ATG10: variants seen among roughly 807,000 people sequenced by gnomAD.
The protein encoded by ATG10 is autophagy related 10.
Under a neutral mutation model 32.1 loss-of-function variants are expected in ATG10, and 30 were observed. The ratio of observed to expected loss-of-function variants is 0.94; its 90% confidence interval spans 0.70 to 1.27. The LOEUF (loss-of-function observed/expected upper bound fraction) is 1.27. Among genes scored for constraint, ATG10 ranks in the 50% most tolerant of loss-of-function variants. The pLI, the probability that ATG10 is intolerant of heterozygous loss-of-function variation, is 0.00. For missense variants in ATG10, 233 were observed against 262.3 expected (o/e 0.89, Z 0.77); for synonymous variants, 87 against 91.5 (o/e 0.95, Z 0.28).
At position 81,997,721 on chromosome 5, in the gene ATG10, C is replaced by T. The variant is rs993933279; in HGVS notation, c.108+10043C>T. Among the ~76,000 whole-genome samples, 6 of 152,246 alleles carry T rather than the reference C, an allele frequency of 3.9e-5. No homozygotes were observed. In the South Asian group the frequency reaches 6.2e-4, roughly 16 times the overall value. On this transcript the variant is annotated intron_variant, in intron 2 of 7. Transcript: ENST00000282185. ...TGATCTGATAGAGCTAAAGAACTCA[C>T]CTCAAGGATTTCAGAATACAATTGT...
At chr5:82,043,757 A>C (rs762975666) in intron 2 of ATG10, among the ~76,000 whole-genome samples, 34 of 152,198 alleles carry the variant, frequency 2.2e-4, no homozygotes, top group Non-Finnish European at 5.0e-4. Flanking sequence ...TCTTTGCTAA[A>C]GCATAGCAAG....
At chr5:82,190,776 A>C in intron 5 of ATG10, among the ~76,000 whole-genome samples, 1 of 72,874 alleles carries the variant, frequency 1.4e-5, no homozygotes, top group Non-Finnish European at 2.9e-5. Context: ...TCCATCTCAA[A>C]AAAAAAAAAA....
intron 3 of ATG10, among the ~76,000 whole-genome samples, chr5:82,088,567 T>TA (rs1764767784): frequency 6.6e-6 from 1 of 152,230 alleles, no homozygotes; most frequent in African/African-American, 2.4e-5. Context: ...CGTTCCTCCT[T>TA]ACATATTGTG....
At chr5:82,212,009 A>G (rs1745512573) in intron 5 of ATG10, among the ~76,000 whole-genome samples, 1 of 152,200 alleles carries the variant, frequency 6.6e-6, no homozygotes, top group African/African-American at 2.4e-5. Flanking sequence ...GCTCACTTCA[A>G]ATGGATGACC....
intron 3 of ATG10, among the ~76,000 whole-genome samples, chr5:82,140,204 C>T (rs1767033500): frequency 4.6e-5 from 3 of 64,692 alleles, no homozygotes; most frequent in African/African-American, 1.9e-4. Context: ...GGGGGGTCAG[C>T]CCCCCGCCCG....
intron 3 of ATG10, among the ~76,000 whole-genome samples, chr5:82,121,147 G>A (rs1328932428): frequency 1.3e-5 from 2 of 152,130 alleles, no homozygotes; most frequent in Non-Finnish European, 2.9e-5. Flanking sequence ...TCAGTTTTGT[G>A]TAAAAGGAAT....
At chr5:82,204,971 C>T (rs1025309390) in intron 5 of ATG10, among the ~76,000 whole-genome samples, 7 of 152,182 alleles carry the variant, frequency 4.6e-5, no homozygotes, top group African/African-American at 1.2e-4. Context: ...AAAAAATAGC[C>T]TAAGAGATAA....
chr5:82,249,269 T>C (rs1747148939), intron 5 of ATG10, among the ~76,000 whole-genome samples: 1 of 152,218 alleles, frequency 6.6e-6, no homozygotes, highest in South Asian at 2.1e-4. Context: ...AGTTGCCATA[T>C]AGACCTAGAC....
At chr5:82,244,442 CA>C (rs1300623811) in intron 5 of ATG10, among the ~76,000 whole-genome samples, 1 of 152,130 alleles carries the variant, frequency 6.6e-6, no homozygotes, top group Non-Finnish European at 1.5e-5. Context: ...AAGCCTGTCT[CA>C]AAGAGTTACT....
chr5:82,185,128 GC>G (rs1353855621), intron 5 of ATG10, among the ~76,000 whole-genome samples: 3 of 152,212 alleles, frequency 2.0e-5, no homozygotes, highest in African/African-American at 7.2e-5. Flanking sequence ...ACATACACAT[GC>G]CCCTCTTGGG....
At chr5:82,115,356 T>C (rs1354048725) in intron 3 of ATG10, among the ~76,000 whole-genome samples, 1 of 152,046 alleles carries the variant, frequency 6.6e-6, no homozygotes, top group Non-Finnish European at 1.5e-5. Flanking sequence ...TAGGGTTTGC[T>C]TTAGGAAAAA....
At chr5:82,003,090 A>C (rs1451364179) in intron 2 of ATG10, among the ~76,000 whole-genome samples, 2 of 152,224 alleles carry the variant, frequency 1.3e-5, no homozygotes, top group Non-Finnish European at 2.9e-5. Context: ...TACTCTCAAT[A>C]TCTTATGCTT....
intron 5 of ATG10, among the ~76,000 whole-genome samples, chr5:82,193,721 C>G (rs188139857): frequency 6.6e-6 from 1 of 152,164 alleles, no homozygotes; most frequent in Admixed American, 6.5e-5. Context: ...ACTTTTGATT[C>G]GCCAAAGTCT....
intron 1 of ATG10, among the ~76,000 whole-genome samples, chr5:81,976,641 T>C (rs1760883379): frequency 6.6e-6 from 1 of 152,216 alleles, no homozygotes; most frequent in African/African-American, 2.4e-5. Context: ...GCCTTGCTTC[T>C]GCCGTTCACT....
intron 2 of ATG10, among the ~76,000 whole-genome samples, chr5:82,048,176 G>T (rs1763286311): frequency 7.5e-6 from 1 of 133,568 alleles, no homozygotes; most frequent in Non-Finnish European, 1.6e-5. Context: ...TGTTCTTTTG[G>T]CTTAGGATTG....
At chr5:82,230,957 TGATA>T (rs763012649) in intron 5 of ATG10, among the ~76,000 whole-genome samples, 7 of 152,204 alleles carry the variant, frequency 4.6e-5, no homozygotes, top group Non-Finnish European at 8.8e-5. Flanking sequence ...TGTGCATAAC[TGATA>T]GATAGATAGA....
At chr5:82,145,265 A>G (rs1277918410) in intron 3 of ATG10, among the ~76,000 whole-genome samples, 1 of 152,070 alleles carries the variant, frequency 6.6e-6, no homozygotes, top group African/African-American at 2.4e-5. Flanking sequence ...AATATGATTG[A>G]TTTAAGTCTA....
chr5:82,091,015 G>T (rs1049238424), intron 3 of ATG10, among the ~76,000 whole-genome samples: 1 of 152,072 alleles, frequency 6.6e-6, no homozygotes, highest in African/African-American at 2.4e-5. Context: ...AACCATGATG[G>T]TGTTTGATAA....
chr5:82,252,826 G>GT lies in ATG10; in HGVS notation c.551+168dup, dbSNP rs377001587. ...TGCTGTTCTAAGAGTTTTAGATACA[G>GT]TAAGACATTGGATTTTTGCAGCATT... is the stretch of plus-strand genomic sequence containing the variant. On this transcript the variant is annotated intron_variant, in intron 6 of 7. Coordinates refer to ENST00000282185, the MANE Select transcript of ATG10 (RefSeq NM_031482.5). 1,805 of 554,154 alleles carry GT rather than the reference G, an allele frequency of 3.3e-3. 9 individuals are homozygous for GT. The highest frequency in any genetic ancestry group is 4.4e-3 in the Non-Finnish European group (1,392 of 319,792). The allele number at this position is 554,154 out of a possible 1,614,324, so 34.3% of individuals were successfully genotyped here.
Sources: allele counts gnomAD v4.1 joint callset (sites outside exome capture counted in the v4.1 genomes callset), GRCh38; gene constraint gnomAD v4.1.1; transcripts MANE v1.5; gene names NCBI Gene and HGNC (gene_info 2026-07-23, HGNC 2026-07-21).